The following UBE2R2 variants were observed in gnomAD, a reference collection of about 807,000 sequenced individuals.
The protein encoded by UBE2R2 is ubiquitin-conjugating enzyme E2 R2.
In UBE2R2, 1 loss-of-function variant was observed where a neutral mutation model predicts 27.8. The observed-to-expected ratio is 0.04, with a 90% CI of 0.01 to 0.17. The LOEUF is 0.17. Ranked by LOEUF, UBE2R2 falls within the 10% of genes least tolerant of loss-of-function variation. The pLI is 1.00. For missense variants in UBE2R2, 100 were observed against 291.0 expected, an observed-to-expected ratio of 0.34 and a Z score of 4.78; for synonymous variants, 106 against 113.3, an observed-to-expected ratio of 0.94 and a Z score of 0.41.
At position 33,919,733 on chromosome 9, in the gene UBE2R2, T is replaced by C. The variant is rs941248674; in HGVS notation, c.*2496T>C. 2.6e-5 allele frequency: 4 copies of C among 151,892 alleles called. No homozygotes were observed. The highest frequency in any genetic ancestry group is 4.8e-5 in the African/African-American group (2 of 41,308). The allele number at this position is 151,892 out of a possible 1,614,324, so 9.4% of individuals were successfully genotyped here. ...AAATACTTGAGTTTGTAATTTTTTT[T>C]CCCCCTTCTGGGAGTGGAGGTCTCA... On this transcript the variant is annotated 3_prime_UTR_variant, in exon 5 of 5. Transcript: ENST00000263228.
intron 1 of UBE2R2, among the ~76,000 whole-genome samples, chr9:33,862,326 T>A (rs1175910736): frequency 2.0e-5 from 3 of 152,220 alleles, no homozygotes; most frequent in Non-Finnish European, 4.4e-5. Flanking sequence ...TCGGTTGTCA[T>A]ACACACCTCA....
intron 4 of UBE2R2, 86 bp from the exon 5 acceptor site, chr9:33,916,932 A>G: frequency 6.5e-7 from 1 of 1,533,742 alleles, no homozygotes; most frequent in Non-Finnish European, 8.8e-7. Flanking sequence ...CTGAGTCATA[A>G]GTAATATTGA....
chr9:33,917,340 CGG>C lies in UBE2R2; in HGVS notation c.*105_*106del. 2 of 1,532,742 alleles carry C rather than the reference CGG, an allele frequency of 1.3e-6. No individual in the cohort carries two copies. Among genetic ancestry groups the C allele is most frequent in the Non-Finnish European group, 1.7e-6 (2 of 1,142,854 alleles). 94.9% of individuals were successfully genotyped at this position (1,532,742 alleles called of 1,614,324 possible). A position where few individuals can be genotyped will look rare whatever the true frequency, so the allele number is the denominator to read the frequency against. ...CCCCTCAGCAAAAACCTATTCACAG[CGG>C]GTGGGGAAACACACACAGCTCCTGC... On this transcript the variant is annotated 3_prime_UTR_variant, in exon 5 of 5. Transcript: ENST00000263228.
intron 2 of UBE2R2, among the ~76,000 whole-genome samples, chr9:33,899,558 A>G: frequency 6.6e-6 from 1 of 152,182 alleles, no homozygotes; most frequent in Non-Finnish European, 1.5e-5. Flanking sequence ...TATTTTTAGT[A>G]GAGACGGGGT....
rs1398805260 is a variant in UBE2R2 at position 33,817,175 on chromosome 9, T to C, written c.-583T>C. Among the ~76,000 whole-genome samples the C allele has an allele frequency of 6.9e-6, 1 of 144,282 alleles. No individual in the cohort carries two copies. Among genetic ancestry groups the C allele is most frequent in the Non-Finnish European group, 1.5e-5 (1 of 65,454 alleles). The allele number at this position is 144,282 out of a possible 152,430, so 94.7% of individuals were successfully genotyped here. A position where few individuals can be genotyped will look rare whatever the true frequency, so the allele number is the denominator to read the frequency against. ...CTCCCTCCCTGCTTCTCGGCTCCGT[T>C]GCTCCCGCGGCGCGAGGCGCTCTCG... On this transcript the variant is annotated 5_prime_UTR_variant, in exon 1 of 5. Coordinates refer to ENST00000263228, the MANE Select transcript of UBE2R2 (RefSeq NM_017811.4).
intron 4 of UBE2R2, among the ~76,000 whole-genome samples, chr9:33,913,038 GCA>G (rs1822529192): frequency 6.6e-6 from 1 of 151,446 alleles, no homozygotes; most frequent in Admixed American, 6.6e-5. Context: ...TCGGCTCACT[GCA>G]GCCTCTATCT....
At chr9:33,871,903 G>A (rs532297189) in intron 1 of UBE2R2, among the ~76,000 whole-genome samples, 6 of 152,038 alleles carry the variant, frequency 3.9e-5, no homozygotes, top group Middle Eastern at 3.4e-3. Flanking sequence ...TAGTAGAGAC[G>A]TGTTTTCACC....
In UBE2R2 at chr9:33,903,733, A is replaced by T. The variant is rs1351939697; in HGVS notation, c.362+3462A>T. On this transcript the variant is annotated intron_variant, in intron 3 of 4. Transcript: ENST00000263228. Reference sequence around the variant, plus strand: ...TGCCTTTGTTACTTTGGGTACTAGCATCATTTTGTTTCCTCACACTTGAGT... The same window carrying T: ...TGCCTTTGTTACTTTGGGTACTAGCTTCATTTTGTTTCCTCACACTTGAGT... Among the ~76,000 whole-genome samples, 5 of 152,268 alleles carry T rather than the reference A, an allele frequency of 3.3e-5. No individual in the cohort carries two copies. The East Asian group carries it at 9.6e-4, about 29-fold the overall frequency.
intron 1 of UBE2R2, among the ~76,000 whole-genome samples, chr9:33,838,478 G>A (rs1016098131): frequency 1.3e-5 from 2 of 151,782 alleles, no homozygotes; most frequent in East Asian, 3.8e-4. Context: ...AAACTTTCCT[G>A]AGATGTTTGC....
chr9:33,899,709 T>C (rs1564004213), intron 2 of UBE2R2, among the ~76,000 whole-genome samples: 1 of 151,312 alleles, frequency 6.6e-6, no homozygotes, highest in Admixed American at 6.6e-5. Context: ...GGTTTCGCCA[T>C]GCTGGTCTCA....
chr9:33,839,775 T>C (rs1282225701), intron 1 of UBE2R2, among the ~76,000 whole-genome samples: 1 of 152,108 alleles, frequency 6.6e-6, no homozygotes, highest in East Asian at 1.9e-4. Context: ...GTGGGAAGAT[T>C]GCTTGAGATC....
intron 1 of UBE2R2, among the ~76,000 whole-genome samples, chr9:33,845,910 AG>A (rs945608084): frequency 7.2e-5 from 11 of 152,000 alleles, no homozygotes; most frequent in African/African-American, 2.7e-4. Context: ...TGGGAGGCCG[AG>A]GTGGGCGGAT....
intron 1 of UBE2R2, among the ~76,000 whole-genome samples, chr9:33,819,432 C>G (rs1477127293): frequency 6.6e-6 from 1 of 152,130 alleles, no homozygotes. Flanking sequence ...GTACCCCTAC[C>G]AACTGTTAGG....
intron 1 of UBE2R2, among the ~76,000 whole-genome samples, chr9:33,842,453 A>T (rs939887681): frequency 3.3e-5 from 5 of 150,386 alleles, no homozygotes; most frequent in East Asian, 1.9e-4. Context: ...AATAATTGAA[A>T]TTTTTTTTTT....
intron 2 of UBE2R2, among the ~76,000 whole-genome samples, chr9:33,889,541 A>AT (rs1373919716): frequency 9.2e-5 from 14 of 151,706 alleles, no homozygotes; most frequent in Non-Finnish European, 2.9e-5. Flanking sequence ...AATCCCATTC[A>AT]TGGGTGACAC....
rs1428716774 is a variant in UBE2R2, at chr9:33,891,050, T to TTTTTGTTTTTTTTTG, written c.264+4097_264+4098insGTTTTGTTTTTTTTT. ...TCATGTTTTTTGTTGTTGTTGTGTT[T>TTTTTGTTTTTTTTTG]TTTTGTTTTTTTTTTTTGAGATGGA... is the stretch of plus-strand genomic sequence containing the variant. On this transcript the variant is annotated intron_variant, in intron 2 of 4. Transcript: ENST00000263228. Among the ~76,000 whole-genome samples the TTTTTGTTTTTTTTTG allele has an allele frequency of 6.2e-3, 866 of 140,732 alleles. 15 individuals are homozygous for TTTTTGTTTTTTTTTG. The highest frequency in any genetic ancestry group is 0.014 in the Admixed American group (195 of 14,030). The allele number at this position is 140,732 out of a possible 152,430, so 92.3% of individuals were successfully genotyped here.
intron 1 of UBE2R2, among the ~76,000 whole-genome samples, chr9:33,824,590 T>TA (rs1820262137): frequency 7.1e-6 from 1 of 141,716 alleles, no homozygotes; most frequent in African/African-American, 2.7e-5. Context: ...AGTGAACTGA[T>TA]ATCGAGGCAC....
chr9:33,916,916 G>A, intron 4 of UBE2R2, 102 bp from the exon 5 acceptor site: 1 of 1,490,348 alleles, frequency 6.7e-7, no homozygotes, highest in South Asian at 1.4e-5. Context: ...ACTGAAGTTT[G>A]GAGAGCTGAG....
chr9:33,816,640 G>A (rs367754373), upstream of UBE2R2, among the ~76,000 whole-genome samples: 17 of 152,352 alleles, frequency 1.1e-4, no homozygotes, highest in East Asian at 3.1e-3. Context: ...CCTGCGGGAA[G>A]GTCTGTTCCC....
Sources: allele counts gnomAD v4.1 joint callset (sites outside exome capture counted in the v4.1 genomes callset), GRCh38; gene constraint gnomAD v4.1.1; transcripts MANE v1.5; gene names NCBI Gene and HGNC (gene_info 2026-07-23, HGNC 2026-07-21).